Variants in GRIN2A observed in about 807,000 individuals in gnomAD.
GRIN2A encodes the protein glutamate receptor ionotropic, NMDA 2A.
In GRIN2A, 22 loss-of-function variants were observed where a neutral mutation model predicts 113.4. The observed-to-expected ratio is 0.19, with a 90% CI of 0.14 to 0.28. The LOEUF is 0.28. Ranked by LOEUF, GRIN2A falls within the 10% of genes least tolerant of loss-of-function variation. The pLI is 1.00. For missense variants in GRIN2A, 1,502 were observed against 1,887.0 expected, an observed-to-expected ratio of 0.80 and a Z score of 3.78; for synonymous variants, 827 against 738.4, an observed-to-expected ratio of 1.12 and a Z score of -1.94.
At chr16:9,947,671 T>C (rs1481852850) in intron 2 of GRIN2A, among the ~76,000 whole-genome samples, 1 of 152,186 alleles carries the variant, frequency 6.6e-6, no homozygotes, top group Non-Finnish European at 1.5e-5. Context: ...ATGTTCCTGT[T>C]ATCAAAGGCA....
chr16:10,146,167 G>T (rs542588948), intron 2 of GRIN2A, among the ~76,000 whole-genome samples: 1 of 152,120 alleles, frequency 6.6e-6, no homozygotes, highest in Non-Finnish European at 1.5e-5. Flanking sequence ...GCCCAGACTG[G>T]AGTGCAGTGG....
intron 2 of GRIN2A, among the ~76,000 whole-genome samples, chr16:10,030,099 G>A (rs577462710): frequency 9.2e-5 from 14 of 152,120 alleles, no homozygotes; most frequent in African/African-American, 2.4e-4. Flanking sequence ...AAGCAAGCAC[G>A]GGCTATGTGC....
At chr16:10,035,912 C>A (rs926768970) in intron 2 of GRIN2A, among the ~76,000 whole-genome samples, 6 of 152,114 alleles carry the variant, frequency 3.9e-5, no homozygotes, top group Non-Finnish European at 8.8e-5. Flanking sequence ...TTAGCAGAGA[C>A]GGGGTTTCAC....
intron 2 of GRIN2A, among the ~76,000 whole-genome samples, chr16:10,137,681 C>A (rs2049227435): frequency 6.6e-6 from 1 of 152,170 alleles, no homozygotes; most frequent in Non-Finnish European, 1.5e-5. Context: ...AATAAAAATT[C>A]ACTGTGCACC....
chr16:9,878,343 G>A (rs1396192520), intron 4 of GRIN2A, among the ~76,000 whole-genome samples: 4 of 152,194 alleles, frequency 2.6e-5, no homozygotes, highest in African/African-American at 7.2e-5. Flanking sequence ...CCTATAACAT[G>A]AGGATAGAAA....
intron 7 of GRIN2A, among the ~76,000 whole-genome samples, chr16:9,839,387 A>C (rs932959319): frequency 6.6e-6 from 1 of 152,080 alleles, no homozygotes; most frequent in Non-Finnish European, 1.5e-5. Flanking sequence ...AAAAAAAAAA[A>C]ACACCTTTTA....
chr16:9,825,350 G>C lies in GRIN2A; in HGVS notation c.2008-2926C>G, dbSNP rs558283480. Among the ~76,000 whole-genome samples, 2 of 152,262 alleles carry C rather than the reference G, an allele frequency of 1.3e-5. 1 individual carries two copies. The highest frequency in any genetic ancestry group is 4.1e-4 in the South Asian group (2 of 4,826). On this transcript the variant is annotated intron_variant, in intron 9 of 12. Transcript: ENST00000330684. ...GGATAGATCACCTGTTGTTACCCAC[G>C]ACATTTCAGCCAAACAATGAAGCCT...
chr16:9,896,621 C>G (rs1380657956), intron 3 of GRIN2A, among the ~76,000 whole-genome samples: 1 of 152,146 alleles, frequency 6.6e-6, no homozygotes, highest in Non-Finnish European at 1.5e-5. Context: ...GTGAATGACT[C>G]CATATACTCA....
At chr16:9,981,070 C>A (rs1464118722) in intron 2 of GRIN2A, among the ~76,000 whole-genome samples, 1 of 149,272 alleles carries the variant, frequency 6.7e-6, no homozygotes, top group Non-Finnish European at 1.5e-5. Flanking sequence ...ATAGTTTCAC[C>A]CTGTAAAGTC....
At chr16:9,876,447 A>G (rs769507850) in intron 4 of GRIN2A, among the ~76,000 whole-genome samples, 6 of 152,092 alleles carry the variant, frequency 3.9e-5, no homozygotes, top group South Asian at 2.1e-4. Flanking sequence ...ACCAATAAAT[A>G]GTGTGGGCTT....
At chr16:10,043,916 C>A (rs901992197) in intron 2 of GRIN2A, among the ~76,000 whole-genome samples, 1 of 150,130 alleles carries the variant, frequency 6.7e-6, no homozygotes, top group African/African-American at 2.5e-5. Flanking sequence ...TATATATACA[C>A]GTATAAATAT....
At chr16:9,910,246 G>T (rs2044107358) in intron 3 of GRIN2A, among the ~76,000 whole-genome samples, 1 of 152,044 alleles carries the variant, frequency 6.6e-6, no homozygotes, top group African/African-American at 2.4e-5. Context: ...ATCTTTTAGG[G>T]GTAGGGTAAT....
At chr16:10,166,457 A>G (rs146009432) in intron 2 of GRIN2A, among the ~76,000 whole-genome samples, 1 of 152,182 alleles carries the variant, frequency 6.6e-6, no homozygotes, top group Non-Finnish European at 1.5e-5. Context: ...GCTGTGGGGG[A>G]TGACAACCTG....
chr16:10,164,189 T>C (rs1252467877), intron 2 of GRIN2A, among the ~76,000 whole-genome samples: 1 of 152,224 alleles, frequency 6.6e-6, no homozygotes. Flanking sequence ...ACTCACAACC[T>C]TTGTCAATTA....
chr16:10,131,708 T>C (rs879610138), intron 2 of GRIN2A, among the ~76,000 whole-genome samples: 6 of 151,942 alleles, frequency 3.9e-5, no homozygotes, highest in Non-Finnish European at 8.8e-5. Flanking sequence ...GTTTAAGAGG[T>C]GGGGAAGAAC....
rs1295967938 is a variant in GRIN2A at position 9,846,586 on chromosome 16, C to T, written c.1328+3170G>A. 2.0e-5 allele frequency among the ~76,000 whole-genome samples: 3 copies of T among 152,162 alleles called. No individual in the cohort carries two copies. The East Asian group carries it at 5.8e-4, about 29-fold the overall frequency. On this transcript the variant is annotated intron_variant, in intron 5 of 12. Transcript: ENST00000330684. ...CAAACATTGGTGTGTCATGCTGTGC[C>T]CTTGTAACTGAGGGTGCAAATATTA...
At chr16:10,019,218 G>A (rs1013079180) in intron 2 of GRIN2A, among the ~76,000 whole-genome samples, 3 of 152,146 alleles carry the variant, frequency 2.0e-5, no homozygotes, top group African/African-American at 7.2e-5. Flanking sequence ...CATGTGTGGC[G>A]AGTATAAGGA....
At chr16:9,854,992 TTG>T (rs3831730) in intron 4 of GRIN2A, among the ~76,000 whole-genome samples, 9,290 of 147,344 alleles carry the variant, frequency 0.063, 349 homozygotes, top group African/African-American at 0.12. Context: ...GCAAGCACGC[TTG>T]TGTGTGTGTG....
chr16:9,811,403 G>C (rs923634228), intron 10 of GRIN2A, among the ~76,000 whole-genome samples: 1 of 152,180 alleles, frequency 6.6e-6, no homozygotes, highest in African/African-American at 2.4e-5. Flanking sequence ...TTATCTGGCA[G>C]AGTTGAATCA....
Sources: gnomAD v4.1 joint callset for allele counts (sites outside exome capture counted in the v4.1 genomes callset) on GRCh38, gnomAD v4.1.1 for gene constraint, MANE v1.5 for transcripts, NCBI Gene and HGNC (gene_info 2026-07-23, HGNC 2026-07-21) for gene names.